The following RFX4 variants were observed in gnomAD, a reference collection of about 807,000 sequenced individuals.
RFX4 encodes the protein transcription factor RFX4.
RFX4 carries 10 observed loss-of-function variants against 95.0 expected under a neutral mutation model. The observed-to-expected ratio is 0.11, with a 90% CI of 0.06 to 0.18. The LOEUF (loss-of-function observed/expected upper bound fraction) is 0.18. Ranked by LOEUF, RFX4 falls within the 10% of genes least tolerant of loss-of-function variation. The probability of loss-of-function intolerance (pLI) is 1.00; values close to 1 mark genes in which losing one functional copy is unlikely to be tolerated. For synonymous variants in RFX4, 321 were observed against 340.7 expected, an observed-to-expected ratio of 0.94 and a Z score of 0.64; for missense variants, 640 against 922.0, an observed-to-expected ratio of 0.69 and a Z score of 3.96.
intron 2 of RFX4, among the ~76,000 whole-genome samples, chr12:106,638,076 T>G (rs2040549862): frequency 6.6e-6 from 1 of 152,018 alleles, no homozygotes; most frequent in Non-Finnish European, 1.5e-5. Context: ...GCTGTGATCT[T>G]GGCTCACTGC....
chr12:106,631,592 T>C (rs998105705), intron 2 of RFX4, among the ~76,000 whole-genome samples: 3 of 152,204 alleles, frequency 2.0e-5, no homozygotes, highest in Non-Finnish European at 4.4e-5. Context: ...TCACCCCTTC[T>C]GCCATGTGTG....
intron 2 of RFX4, among the ~76,000 whole-genome samples, chr12:106,628,597 G>A (rs188121747): frequency 6.6e-6 from 1 of 152,088 alleles, no homozygotes; most frequent in Admixed American, 6.5e-5. Flanking sequence ...CAGCCATATG[G>A]TCCAACAATC....
At chr12:106,706,316 C>T (rs933639117) in intron 8 of RFX4, among the ~76,000 whole-genome samples, 4 of 152,054 alleles carry the variant, frequency 2.6e-5, no homozygotes, top group African/African-American at 7.2e-5. Flanking sequence ...GAGTTTTAAT[C>T]GGAATTACAG....
chr12:106,693,055 T>C (rs1218337404), intron 7 of RFX4: 2 of 402,832 alleles, frequency 5.0e-6, no homozygotes, highest in African/African-American at 2.1e-5. Flanking sequence ...CTCCTTTCCC[T>C]CACCCTTCAG....
intron 13 of RFX4, among the ~76,000 whole-genome samples, chr12:106,723,691 C>T (rs1175975962): frequency 6.6e-6 from 1 of 152,312 alleles, no homozygotes; most frequent in East Asian, 1.9e-4. Context: ...CATGACCAAG[C>T]CTTCCCAACT....
In RFX4 at chr12:106,752,971, T is replaced by C. The variant is rs758300484; in HGVS notation, c.1935+2178T>C. On this transcript the variant is annotated intron_variant, in intron 17 of 17. Transcript: ENST00000392842. ...CTCGTCTCAGCTCAGGCCTTTATCA[T>C]ATCCAGCTTAGATGAAGACAGAAGC... Among the ~76,000 whole-genome samples, 64 of 152,108 alleles carry C rather than the reference T, an allele frequency of 4.2e-4. 1 individual carries two copies. The highest frequency in any genetic ancestry group is 2.3e-3 in the Admixed American group (35 of 15,272).
rs141945027 is a variant in RFX4 at position 106,650,660 on chromosome 12, G to A, written c.192-3568G>A. Among the ~76,000 whole-genome samples the A allele has an allele frequency of 4.0e-3, 603 of 152,194 alleles. 18 individuals carry two copies. The East Asian group carries it at 0.072, about 18-fold the overall frequency. On this transcript the variant is annotated intron_variant, in intron 3 of 17. Transcript: ENST00000392842. The stretch of plus-strand genomic sequence containing the variant: ...GGAGAATTGCTTGAACCGGGGAGGC[G>A]GAGGTTGCGGTGAGCCGAGATGTCG...
chr12:106,610,520 A>C (rs2039939186), intron 2 of RFX4, among the ~76,000 whole-genome samples: 1 of 152,162 alleles, frequency 6.6e-6, no homozygotes, highest in Admixed American at 6.5e-5. Flanking sequence ...TGCCTCTGTT[A>C]ATTTGACTGC....
intron 2 of RFX4, among the ~76,000 whole-genome samples, chr12:106,610,549 G>T (rs371389786): frequency 1.3e-5 from 2 of 152,176 alleles, no homozygotes; most frequent in African/African-American, 4.8e-5. Context: ...TCTTATATAA[G>T]TGAAGTCATA....
At chr12:106,724,235 T>C (rs2042449010) in intron 13 of RFX4, among the ~76,000 whole-genome samples, 1 of 152,234 alleles carries the variant, frequency 6.6e-6, no homozygotes, top group Non-Finnish European at 1.5e-5. Flanking sequence ...CATTGAATTC[T>C]TGCATTAACT....
chr12:106,718,272 C>G (rs781632121), intron 11 of RFX4, among the ~76,000 whole-genome samples: 3 of 152,174 alleles, frequency 2.0e-5, no homozygotes, highest in Non-Finnish European at 4.4e-5. Flanking sequence ...ACCTTGGTTT[C>G]CATTTCTGTA....
rs573173544 is a variant in RFX4 at position 106,636,924 on chromosome 12, T to G, written c.131-2408T>G. Among the ~76,000 whole-genome samples the G allele has an allele frequency of 2.3e-4, 35 of 152,304 alleles. No individual in the cohort carries two copies. The South Asian group carries it at 7.3e-3, about 32-fold the overall frequency. ...ATTGCGTTTTTCCCCATCCCAAGTTTGCTGCTTTCATCTAGTTATTGTGTC... is the reference window on the plus strand; with the variant it reads ...ATTGCGTTTTTCCCCATCCCAAGTTGGCTGCTTTCATCTAGTTATTGTGTC... On this transcript the variant is annotated intron_variant, in intron 2 of 17. Coordinates refer to ENST00000392842, the MANE Select transcript of RFX4 (RefSeq NM_213594.3).
intron 4 of RFX4, among the ~76,000 whole-genome samples, chr12:106,673,566 TA>T (rs1462245131): frequency 1.3e-5 from 2 of 152,352 alleles, no homozygotes; most frequent in East Asian, 3.9e-4. Context: ...CACATTTTTA[TA>T]AAGTGTTAAT....
At chr12:106,599,573 C>T (rs1240180048) in intron 1 of RFX4, among the ~76,000 whole-genome samples, 1 of 152,086 alleles carries the variant, frequency 6.6e-6, no homozygotes, top group African/African-American at 2.4e-5. Flanking sequence ...TCATCTCAGG[C>T]TCACCTGTGT....
At chr12:106,607,724 A>G (rs992464017) in intron 1 of RFX4, among the ~76,000 whole-genome samples, 1 of 152,194 alleles carries the variant, frequency 6.6e-6, no homozygotes, top group Non-Finnish European at 1.5e-5. Flanking sequence ...GACAAGTGTT[A>G]TAGCAGAGCT....
chr12:106,711,342 G>C, intron 9 of RFX4, 111 bp from the exon 10 acceptor site: 1 of 928,836 alleles, frequency 1.1e-6, no homozygotes, highest in Non-Finnish European at 1.7e-6. Flanking sequence ...TGGGCAGTGA[G>C]ATAAACGTAG....
intron 3 of RFX4, 117 bp from the exon 4 acceptor site, chr12:106,654,111 C>A (rs2137319235): frequency 7.2e-7 from 1 of 1,386,308 alleles, no homozygotes; most frequent in Non-Finnish European, 1.0e-6. Context: ...GCTTCTCCAC[C>A]TGTAGAAAGA....
At chr12:106,636,823 C>A (rs1207765122) in intron 2 of RFX4, among the ~76,000 whole-genome samples, 1 of 152,142 alleles carries the variant, frequency 6.6e-6, no homozygotes, top group Non-Finnish European at 1.5e-5. Flanking sequence ...TCAACAGAGG[C>A]ACCACATGTG....
At chr12:106,600,321 T>G (rs1179340237) in intron 1 of RFX4, among the ~76,000 whole-genome samples, 1 of 152,198 alleles carries the variant, frequency 6.6e-6, no homozygotes. Context: ...TCGCATTCTT[T>G]AGCTGCCAGT....
Sources: allele counts gnomAD v4.1 joint callset (sites outside exome capture counted in the v4.1 genomes callset), GRCh38; gene constraint gnomAD v4.1.1; transcripts MANE v1.5; gene names NCBI Gene and HGNC (gene_info 2026-07-23, HGNC 2026-07-21).